The following NXPE4 variants were observed in gnomAD, a reference collection of about 807,000 sequenced individuals.
NXPE4 encodes neurexophilin and PC-esterase domain family member 4.
In NXPE4, 42 loss-of-function variants were observed where a neutral mutation model predicts 33.3. The ratio of observed to expected loss-of-function variants is 1.26; its 90% CI spans 0.98 to 1.63. The LOEUF is 1.63. Among genes scored for constraint, NXPE4 ranks in the 40% most tolerant of loss-of-function variants. The pLI, the probability that NXPE4 is intolerant of heterozygous loss-of-function variation, is 0.00. For missense variants in NXPE4, 709 were observed against 647.6 expected (o/e 1.09, Z -1.03); for synonymous variants, 253 against 234.9 (o/e 1.08, Z -0.71).
At chr11:114,668,508 T>C in the NXPE4 span, among the ~76,000 whole-genome samples, 1,102 of 152,238 alleles carry the variant, frequency 7.2e-3, 5 homozygotes, top group Non-Finnish European at 0.012. Context: ...GTTGAGGTTC[T>C]ACAGGTACAC....
intron 2 of NXPE4, among the ~76,000 whole-genome samples, chr11:114,588,596 G>A (rs776830708): frequency 2.6e-5 from 4 of 152,126 alleles, no homozygotes; most frequent in Non-Finnish European, 4.4e-5. Context: ...TTCCCAATAC[G>A]AAGAGAGGCA....
At chr11:114,601,635 A>ATATATAT in the NXPE4 span, among the ~76,000 whole-genome samples, 1 of 80,644 alleles carries the variant, frequency 1.2e-5, no homozygotes, top group Non-Finnish European at 2.1e-5. Context: ...TATTATTTAT[A>ATATATAT]ATTATATATA....
rs765081282 is a variant in NXPE4 at position 114,571,222 on chromosome 11, C to T, written c.1351G>A (p.Ala451Thr). The part of the protein sequence containing the change: ...PFPIDVFIRR[A>T]LNVHKAIQHL... ...TGAATGGCTTTGTGGACATTGAGGG[C>T]CCTTCGGATAAAAACATCAATGGGA... The change falls in exon 6 of 6, where the codon GCC (alanine) becomes ACC (threonine). Residue 451 changes from alanine (A) to threonine (T), a missense_variant. By Grantham distance (58) the Ala-to-Thr change is moderately conservative. Coordinates refer to ENST00000375478, the MANE Select transcript of NXPE4 (RefSeq NM_001077639.2). The T allele has an allele frequency of 1.9e-6, 3 of 1,613,942 alleles. No homozygotes were observed. Among genetic ancestry groups the T allele is most frequent in the South Asian group, 1.1e-5 (1 of 91,076 alleles).
At chr11:114,648,428 C>T in the NXPE4 span, among the ~76,000 whole-genome samples, 2 of 152,156 alleles carry the variant, frequency 1.3e-5, no homozygotes, top group African/African-American at 4.8e-5. Flanking sequence ...GAGGGTCAGA[C>T]TTTTGTTCTA....
the NXPE4 span, among the ~76,000 whole-genome samples, chr11:114,607,042 T>C: frequency 6.6e-6 from 1 of 152,006 alleles, no homozygotes; most frequent in Admixed American, 6.6e-5. Context: ...CAGTGGATAA[T>C]AAGTATTGCC....
chr11:114,613,715 G>T, the NXPE4 span, among the ~76,000 whole-genome samples: 2 of 148,194 alleles, frequency 1.3e-5, no homozygotes, highest in Admixed American at 6.7e-5. Flanking sequence ...TACCCAGCAG[G>T]TAATAAGTGT....
the NXPE4 span, among the ~76,000 whole-genome samples, chr11:114,651,595 A>G: frequency 3.3e-5 from 5 of 152,166 alleles, no homozygotes; most frequent in African/African-American, 1.2e-4. Flanking sequence ...CTCTGCCCAC[A>G]TCCTACTGAT....
the NXPE4 span, among the ~76,000 whole-genome samples, chr11:114,650,944 G>A: frequency 6.6e-6 from 1 of 152,094 alleles, no homozygotes; most frequent in Non-Finnish European, 1.5e-5. Context: ...ATGGCTGAGA[G>A]CACATCAGGA....
the NXPE4 span, among the ~76,000 whole-genome samples, chr11:114,623,934 C>T: frequency 6.7e-6 from 1 of 149,358 alleles, no homozygotes; most frequent in South Asian, 2.1e-4. Flanking sequence ...ATAATAAGAA[C>T]GACCTCTGGG....
At chr11:114,601,452 T>C in the NXPE4 span, among the ~76,000 whole-genome samples, 14 of 125,260 alleles carry the variant, frequency 1.1e-4, no homozygotes, top group East Asian at 2.9e-3. Context: ...TATATATTTA[T>C]ATTATATATA....
the NXPE4 span, among the ~76,000 whole-genome samples, chr11:114,654,318 G>A: frequency 6.6e-6 from 1 of 151,778 alleles, no homozygotes; most frequent in Non-Finnish European, 1.5e-5. Context: ...CAGGAAAGTT[G>A]TTTAAAATCT....
chr11:114,610,999 T>C, the NXPE4 span, among the ~76,000 whole-genome samples: 1 of 151,762 alleles, frequency 6.6e-6, no homozygotes, highest in African/African-American at 2.4e-5. Context: ...ACCCACTGGA[T>C]AATAAATGTT....
chr11:114,629,775 T>C, the NXPE4 span, among the ~76,000 whole-genome samples: 5 of 150,842 alleles, frequency 3.3e-5, no homozygotes, highest in Admixed American at 6.6e-5. Flanking sequence ...GAAAACCCCA[T>C]TGTCTCAGCC....
At chr11:114,583,958 T>C in intron 2 of NXPE4, 1 of 385,390 alleles carries the variant, frequency 2.6e-6, no homozygotes, top group Non-Finnish European at 5.1e-6. Context: ...TGATGATGAG[T>C]CCTATGAGGC....
At chr11:114,574,125 TA>T (rs1948948479) in intron 5 of NXPE4, among the ~76,000 whole-genome samples, 1 of 152,012 alleles carries the variant, frequency 6.6e-6, no homozygotes, top group South Asian at 2.1e-4. Context: ...GAGTCAACAA[TA>T]AAATCAAGAT....
the NXPE4 span, among the ~76,000 whole-genome samples, chr11:114,672,552 C>A: frequency 5.3e-5 from 8 of 151,908 alleles, no homozygotes; most frequent in Non-Finnish European, 1.0e-4. Flanking sequence ...GGGACAAGAT[C>A]CAACTAACAT....
chr11:114,639,100 T>A, the NXPE4 span, among the ~76,000 whole-genome samples: 1 of 152,066 alleles, frequency 6.6e-6, no homozygotes, highest in African/African-American at 2.4e-5. Flanking sequence ...CAGCCCTCCT[T>A]GAGCTGTGGT....
At chr11:114,632,145 TTA>T in the NXPE4 span, among the ~76,000 whole-genome samples, 264 of 143,408 alleles carry the variant, frequency 1.8e-3, 2 homozygotes, top group Middle Eastern at 7.2e-3. Flanking sequence ...TTATAATTTA[TTA>T]TGTTATAAAT....
chr11:114,636,876 T>C, the NXPE4 span, among the ~76,000 whole-genome samples: 3 of 152,204 alleles, frequency 2.0e-5, no homozygotes, highest in African/African-American at 7.2e-5. Context: ...GAGAGGTTTA[T>C]TTCCAAGTAT....
Sources: allele counts gnomAD v4.1 joint callset (sites outside exome capture counted in the v4.1 genomes callset), GRCh38; gene constraint gnomAD v4.1.1; transcripts MANE v1.5; gene names NCBI Gene and HGNC (gene_info 2026-07-23, HGNC 2026-07-21).